Variants in MECOM observed in about 807,000 individuals in gnomAD.
The protein encoded by MECOM is histone-lysine N-methyltransferase MECOM.
MECOM carries 13 observed loss-of-function variants against 116.3 expected under a neutral mutation model. That is an observed-to-expected ratio of 0.11 (90% CI 0.07 to 0.18). The LOEUF (loss-of-function observed/expected upper bound fraction) is 0.18. MECOM is among the 10% of genes least tolerant of loss of function. The pLI, the probability that MECOM is intolerant of heterozygous loss-of-function variation, is 1.00. For missense variants in MECOM, 1,299 were observed against 1,509.0 expected (o/e 0.86, Z 2.31); for synonymous variants, 528 against 535.2 (o/e 0.99, Z 0.19).
chr3:169,382,802 T>C (rs1325798075), intron 1 of MECOM, among the ~76,000 whole-genome samples: 1 of 141,806 alleles, frequency 7.1e-6, no homozygotes, highest in African/African-American at 2.6e-5. Context: ...GAGCTATGAT[T>C]GTGTCACTGC....
At chr3:169,397,005 A>G (rs972199941) in intron 1 of MECOM, among the ~76,000 whole-genome samples, 2 of 152,154 alleles carry the variant, frequency 1.3e-5, no homozygotes, top group African/African-American at 4.8e-5. Flanking sequence ...ATCAGAATAA[A>G]TGATGCTCTT....
At chr3:169,388,199 C>T (rs570259120) in intron 1 of MECOM, among the ~76,000 whole-genome samples, 4 of 152,164 alleles carry the variant, frequency 2.6e-5, no homozygotes, top group African/African-American at 9.6e-5. Flanking sequence ...GCTAACAGTG[C>T]GGCAGGGAAG....
chr3:169,341,431 CAAAAAAAAAAA>C (rs60482855), intron 2 of MECOM, among the ~76,000 whole-genome samples: 1 of 89,410 alleles, frequency 1.1e-5, no homozygotes, highest in Non-Finnish European at 2.5e-5. Context: ...TTAATAGGTT[CAAAAAAAAAAA>C]AAAAAAAACA....
At chr3:169,651,877 G>A (rs913019335) in intron 1 of MECOM, among the ~76,000 whole-genome samples, 2 of 152,134 alleles carry the variant, frequency 1.3e-5, no homozygotes, top group African/African-American at 4.8e-5. Context: ...TCTGCTGGAA[G>A]CTACACTAAA....
intron 2 of MECOM, among the ~76,000 whole-genome samples, chr3:169,301,045 T>C (rs1027734872): frequency 3.7e-4 from 57 of 152,374 alleles, no homozygotes; most frequent in African/African-American, 1.4e-3. Flanking sequence ...TATTGTGGGT[T>C]CAGTATTTAA....
chr3:169,193,117 A>C (rs879308050), intron 2 of MECOM, among the ~76,000 whole-genome samples: 3 of 152,042 alleles, frequency 2.0e-5, no homozygotes, highest in Non-Finnish European at 4.4e-5. Flanking sequence ...TTATCTTACC[A>C]GGTCAGAGCT....
chr3:169,654,860 G>A lies in MECOM; in HGVS notation c.37+8476C>T, dbSNP rs147636862. 5.4e-3 allele frequency among the ~76,000 whole-genome samples: 811 copies of A among 151,116 alleles called. 2 individuals are homozygous for A. Among genetic ancestry groups the A allele is most frequent in the Middle Eastern group, 0.014 (4 of 292 alleles). On this transcript the variant is annotated intron_variant, in intron 1 of 16. Transcript: ENST00000651503. ...CACACACATATTAACTTGAGGTGGG[G>A]AAGAAGATATAGATCTTAAAAACAC...
intron 2 of MECOM, among the ~76,000 whole-genome samples, chr3:169,291,093 T>C (rs1387398627): frequency 6.6e-6 from 1 of 152,228 alleles, no homozygotes; most frequent in Non-Finnish European, 1.5e-5. Flanking sequence ...TTCTATATAC[T>C]TTACCTAAAT....
intron 1 of MECOM, among the ~76,000 whole-genome samples, chr3:169,619,623 C>T (rs1371844548): frequency 6.6e-6 from 1 of 152,078 alleles, no homozygotes; most frequent in Admixed American, 6.5e-5. Context: ...AACCACACAG[C>T]CCTTACCTTG....
chr3:169,554,349 AAAC>A (rs1406935576), intron 1 of MECOM, among the ~76,000 whole-genome samples: 5 of 152,242 alleles, frequency 3.3e-5, no homozygotes, highest in Non-Finnish European at 7.3e-5. Flanking sequence ...CGCCTACATT[AAAC>A]AACATCACTT....
rs1270690613 is a variant in MECOM, at chr3:169,322,997, T to TTAAAAAAAAAA, written c.375+58189_375+58190insTTTTTTTTTTA. Reference sequence around the variant, plus strand: ...CCTGCATGACAGAGCAAGACTCCGGTAAAAAAAAAAAAAAAAAAAAAAAAA... The same window carrying TTAAAAAAAAAA: ...CCTGCATGACAGAGCAAGACTCCGGTTAAAAAAAAAAAAAAAAAAAAAAAAAAAAAAAAAAA... On this transcript the variant is annotated intron_variant, in intron 2 of 16. Coordinates refer to ENST00000651503, the MANE Select transcript of MECOM (RefSeq NM_004991.4). Among the ~76,000 whole-genome samples the TTAAAAAAAAAA allele has an allele frequency of 5.4e-5, 3 of 56,048 alleles. 1 individual carries two copies. Among genetic ancestry groups the TTAAAAAAAAAA allele is most frequent in the Admixed American group, 4.0e-4 (2 of 5,056 alleles). The allele number at this position is 56,048 out of a possible 152,430, so 36.8% of individuals were successfully genotyped here. A position where few individuals can be genotyped will look rare whatever the true frequency, so the allele number is the denominator to read the frequency against.
Position 169,095,133 on chromosome 3 carries a change from C to A in MECOM, c.2962G>T (p.Gly988Cys). The A allele has an allele frequency of 6.2e-7, 1 of 1,612,900 alleles. No homozygotes were observed. Among genetic ancestry groups the A allele is most frequent in the Non-Finnish European group, 8.5e-7 (1 of 1,179,470 alleles). ...FKCHLCDRCF[G>C]QQTNLDRHLK... ...TGTCTGTCTAAATTGGTTTGTTGACCAAAACACCTATCACATAAGTGACAC... is the reference window on the plus strand; with the variant it reads ...TGTCTGTCTAAATTGGTTTGTTGACAAAAACACCTATCACATAAGTGACAC... The change falls in exon 13 of 17, where the codon GGT (glycine) becomes TGT (cysteine). Residue 988 changes from glycine (G) to cysteine (C), a missense_variant. Physicochemically the swap from Gly to Cys is radical, Grantham distance 159. Coordinates refer to ENST00000651503, the MANE Select transcript of MECOM (RefSeq NM_004991.4).
At chr3:169,614,502 G>A (rs567331055) in intron 1 of MECOM, among the ~76,000 whole-genome samples, 1 of 152,274 alleles carries the variant, frequency 6.6e-6, no homozygotes, top group South Asian at 2.1e-4. Flanking sequence ...TTTTAAAATA[G>A]TCTTCATATT....
At chr3:169,284,989 C>T (rs1712972876) in intron 2 of MECOM, among the ~76,000 whole-genome samples, 1 of 152,084 alleles carries the variant, frequency 6.6e-6, no homozygotes, top group African/African-American at 2.4e-5. Context: ...GGTGTGGCCC[C>T]CATGGTGTGA....
At chr3:169,124,177 G>T (rs758820682) in intron 5 of MECOM, among the ~76,000 whole-genome samples, 2 of 152,024 alleles carry the variant, frequency 1.3e-5, no homozygotes, top group Non-Finnish European at 2.9e-5. Context: ...AAATCTTCTT[G>T]GTGAAACACT....
At chr3:169,444,541 C>T (rs780256113) in intron 1 of MECOM, among the ~76,000 whole-genome samples, 15 of 152,106 alleles carry the variant, frequency 9.9e-5, no homozygotes, top group Non-Finnish European at 2.2e-4. Flanking sequence ...CTTTCACCCC[C>T]CGCCATGATT....
At chr3:169,628,637 G>C (rs372991737) in intron 1 of MECOM, among the ~76,000 whole-genome samples, 1 of 152,164 alleles carries the variant, frequency 6.6e-6, no homozygotes, top group East Asian at 1.9e-4. Context: ...CTCAGGGGAC[G>C]GAACAATTCA....
chr3:169,285,275 C>T (rs1577587622), intron 2 of MECOM, among the ~76,000 whole-genome samples: 1 of 152,228 alleles, frequency 6.6e-6, no homozygotes, highest in East Asian at 1.9e-4. Flanking sequence ...CGCTCTGCAG[C>T]CCTGCTTCTG....
At chr3:169,292,189 G>A (rs1290166723) in intron 2 of MECOM, among the ~76,000 whole-genome samples, 4 of 151,932 alleles carry the variant, frequency 2.6e-5, no homozygotes, top group South Asian at 2.1e-4. Flanking sequence ...CTAAAAATTC[G>A]AAAATTAGCT....
Sources: allele counts gnomAD v4.1 joint callset (sites outside exome capture counted in the v4.1 genomes callset), GRCh38; gene constraint gnomAD v4.1.1; transcripts MANE v1.5; gene names NCBI Gene and HGNC (gene_info 2026-07-23, HGNC 2026-07-21).